Variants in PLCG2 observed in about 807,000 individuals in gnomAD.
The protein encoded by PLCG2 is 1-phosphatidylinositol 4,5-bisphosphate phosphodiesterase gamma-2.
PLCG2 carries 69 observed loss-of-function variants against 175.6 expected under a neutral mutation model. The ratio of observed to expected loss-of-function variants is 0.39; its 90% CI spans 0.32 to 0.48. The LOEUF (loss-of-function observed/expected upper bound fraction) is 0.48, where lower values mean the gene tolerates loss of function less well. Among genes scored for constraint, PLCG2 ranks in the 20% least tolerant of loss-of-function variants. The pLI, the probability that PLCG2 is intolerant of heterozygous loss-of-function variation, is 0.91. For missense variants in PLCG2, 1,798 were observed against 1,650.9 expected (o/e 1.09, Z -1.54); for synonymous variants, 827 against 624.0 (o/e 1.33, Z -4.85).
intron 2 of PLCG2, among the ~76,000 whole-genome samples, chr16:81,771,120 A>G (rs918490583): frequency 1.3e-5 from 2 of 152,156 alleles, no homozygotes; most frequent in African/African-American, 4.8e-5. Context: ...AGCTCAGTAC[A>G]TTTTCATAAA....
At chr16:81,843,524 C>T (rs984352103) in intron 2 of PLCG2, among the ~76,000 whole-genome samples, 1 of 152,162 alleles carries the variant, frequency 6.6e-6, no homozygotes, top group Admixed American at 6.5e-5. Context: ...CACTTAACAA[C>T]CTTAAGTACC....
At chr16:81,847,101 T>C (rs1448666991) in intron 2 of PLCG2, among the ~76,000 whole-genome samples, 1 of 152,234 alleles carries the variant, frequency 6.6e-6, no homozygotes, top group Non-Finnish European at 1.5e-5. Context: ...GGCTATAAAT[T>C]GGGGTTCCAA....
chr16:81,921,438 T>C lies in PLCG2; in HGVS notation c.2307+169T>C, dbSNP rs530414178. ...AAAGGATGATTGATAATATCAAGCC[T>C]AGTTTCAGGGAAAATGTTAATAGAA... On this transcript the variant is annotated intron_variant, in intron 21 of 32. Coordinates refer to ENST00000564138, the MANE Select transcript of PLCG2 (RefSeq NM_002661.5). 60 of 667,914 alleles carry C rather than the reference T, an allele frequency of 9.0e-5. 1 individual carries two copies. The highest frequency in any genetic ancestry group is 6.5e-4 in the South Asian group (41 of 62,952). 41.4% of individuals were successfully genotyped at this position (667,914 alleles called of 1,614,324 possible).
intron 7 of PLCG2, among the ~76,000 whole-genome samples, chr16:81,878,083 G>A (rs1382909671): frequency 3.6e-5 from 5 of 137,592 alleles, no homozygotes; most frequent in East Asian, 2.4e-4. Context: ...CCGGGTTCAC[G>A]CCATTCTTCT....
chr16:81,826,115 T>G (rs1905035400), intron 2 of PLCG2, among the ~76,000 whole-genome samples: 1 of 152,094 alleles, frequency 6.6e-6, no homozygotes, highest in Admixed American at 6.6e-5. Flanking sequence ...AACCTATTCC[T>G]CCAGTTTTCC....
chr16:81,900,086 C>T (rs73596852), intron 13 of PLCG2, among the ~76,000 whole-genome samples: 2,237 of 132,030 alleles, frequency 0.017, 48 homozygotes, highest in African/African-American at 0.058. Flanking sequence ...TATACACATA[C>T]AAATAATAAA....
intron 2 of PLCG2, among the ~76,000 whole-genome samples, chr16:81,838,198 C>G (rs1214598575): frequency 6.6e-6 from 1 of 151,974 alleles, no homozygotes; most frequent in Non-Finnish European, 1.5e-5. Flanking sequence ...CTTGCCTCAA[C>G]CTCCCAGCTT....
chr16:81,828,527 C>T (rs1031529740), intron 2 of PLCG2, among the ~76,000 whole-genome samples: 7 of 152,078 alleles, frequency 4.6e-5, no homozygotes, highest in African/African-American at 1.7e-4. Flanking sequence ...CGTGAGCCAC[C>T]GCACCCGGCC....
chr16:81,942,215 C>G (rs1910970243), intron 30 of PLCG2, among the ~76,000 whole-genome samples: 1 of 152,194 alleles, frequency 6.6e-6, no homozygotes, highest in South Asian at 2.1e-4. Context: ...CTCATAACCC[C>G]TCCCAGTGCC....
At chr16:81,941,680 CTCACCCACACTG>C (rs1399065628) in intron 30 of PLCG2, among the ~76,000 whole-genome samples, 1 of 149,874 alleles carries the variant, frequency 6.7e-6, no homozygotes, top group East Asian at 2.0e-4. Context: ...TCTGGGTTAA[CTCACCCACACTG>C]TAAACTCCCC....
chr16:81,778,711 A>C (rs181110012), upstream of PLCG2, among the ~76,000 whole-genome samples: 2 of 152,336 alleles, frequency 1.3e-5, no homozygotes, highest in East Asian at 3.9e-4. Flanking sequence ...AGGTAGCAGT[A>C]AGGGTTGGTC....
At chr16:81,935,589 C>G (rs1910673912) in intron 26 of PLCG2, 1 of 985,266 alleles carries the variant, frequency 1.0e-6, no homozygotes, top group Non-Finnish European at 1.2e-6. Flanking sequence ...TACCGGGAGG[C>G]CAGTCCCTAG....
At chr16:81,911,790 CTT>C (rs35027472) in intron 18 of PLCG2, among the ~76,000 whole-genome samples, 5 of 67,248 alleles carry the variant, frequency 7.4e-5, no homozygotes, top group African/African-American at 2.5e-4. Flanking sequence ...TTTGTATTTC[CTT>C]TTTTTTTTTT....
intron 2 of PLCG2, among the ~76,000 whole-genome samples, chr16:81,788,681 T>C (rs1314123796): frequency 6.6e-6 from 1 of 152,212 alleles, no homozygotes; most frequent in Non-Finnish European, 1.5e-5. Context: ...CATCCTTAAT[T>C]TGATGTATCC....
intron 28 of PLCG2, 59 bp from the exon 29 acceptor site, chr16:81,938,742 C>T (rs1026335933): frequency 1.8e-5 from 18 of 1,006,742 alleles, no homozygotes; most frequent in East Asian, 4.8e-5. Flanking sequence ...CTGCAATCCA[C>T]GCTAGGCTGC....
chr16:81,875,552 G>A (rs570834489), intron 7 of PLCG2, among the ~76,000 whole-genome samples: 1 of 152,162 alleles, frequency 6.6e-6, no homozygotes. Flanking sequence ...ATCATCAGCT[G>A]ACTTCAGCCA....
chr16:81,825,934 C>A (rs180925325), intron 2 of PLCG2, among the ~76,000 whole-genome samples: 226 of 152,268 alleles, frequency 1.5e-3, no homozygotes, highest in African/African-American at 5.1e-3. Flanking sequence ...ACATAGAAAT[C>A]AGATGGCATT....
At chr16:81,807,882 G>T (rs543037046) in intron 2 of PLCG2, among the ~76,000 whole-genome samples, 209 of 152,226 alleles carry the variant, frequency 1.4e-3, no homozygotes, top group African/African-American at 4.8e-3. Flanking sequence ...TCAACAGCCA[G>T]ATCTCTCAAG....
At chr16:81,846,755 A>G (rs1906141023) in intron 2 of PLCG2, among the ~76,000 whole-genome samples, 1 of 152,092 alleles carries the variant, frequency 6.6e-6, no homozygotes. Flanking sequence ...TAGAGATACA[A>G]GAAAAGGTTT....
Sources: allele counts gnomAD v4.1 joint callset (sites outside exome capture counted in the v4.1 genomes callset), GRCh38; gene constraint gnomAD v4.1.1; transcripts MANE v1.5; gene names NCBI Gene and HGNC (gene_info 2026-07-23, HGNC 2026-07-21).